Variants in KCNH1 observed in about 807,000 individuals in gnomAD.
KCNH1 encodes the protein potassium voltage-gated channel subfamily H member 1, also known as voltage-gated delayed rectifier potassium channel KCNH1.
In KCNH1, 27 loss-of-function variants were observed where a neutral mutation model predicts 69.2. The observed-to-expected ratio is 0.39, with a 90% confidence interval of 0.29 to 0.54. KCNH1 has a LOEUF of 0.54. KCNH1 is among the 20% of genes least tolerant of loss of function. The probability of loss-of-function intolerance (pLI) is 0.68; values close to 1 mark genes in which losing one functional copy is unlikely to be tolerated. For synonymous variants in KCNH1, 456 were observed against 487.7 expected (o/e 0.93, Z 0.86); for missense variants, 798 against 1,261.6 (o/e 0.63, Z 5.57).
rs922168373 is a variant in KCNH1, at chr1:210,680,012, A to G, written c.*3269T>C. 2.0e-5 allele frequency: 3 copies of G among 151,164 alleles called. No homozygotes were observed. The highest frequency in any genetic ancestry group is 4.4e-5 in the Non-Finnish European group (3 of 67,818). 9.4% of individuals were successfully genotyped at this position (151,164 alleles called of 1,614,324 possible). Reference sequence around the variant, plus strand: ...CACTAGACAATTTGGTTTCTCAACCAAATGGTCGTCTCTGTTTCCGTCCTT... The same window carrying G: ...CACTAGACAATTTGGTTTCTCAACCGAATGGTCGTCTCTGTTTCCGTCCTT... On this transcript the variant is annotated 3_prime_UTR_variant, in exon 11 of 11. Transcript: ENST00000271751.
intron 10 of KCNH1, among the ~76,000 whole-genome samples, chr1:210,702,338 T>C (rs1182006389): frequency 6.6e-6 from 1 of 152,212 alleles, no homozygotes; most frequent in Admixed American, 6.5e-5. Context: ...CTGTTTTTCT[T>C]TGAACTCCTA....
At chr1:210,819,491 C>T (rs1291724748) in intron 7 of KCNH1, among the ~76,000 whole-genome samples, 1 of 152,044 alleles carries the variant, frequency 6.6e-6, no homozygotes, top group Admixed American at 6.6e-5. Flanking sequence ...CACCTCAGAC[C>T]AGCTTCCTGC....
At chr1:210,973,861 A>G (rs1342543853) in intron 6 of KCNH1, among the ~76,000 whole-genome samples, 12 of 152,326 alleles carry the variant, frequency 7.9e-5, no homozygotes, top group African/African-American at 2.9e-4. Context: ...TGCAACAAAT[A>G]TTCCAGGCAC....
At chr1:210,715,520 A>AC (rs202217107) in intron 10 of KCNH1, among the ~76,000 whole-genome samples, 4,637 of 150,586 alleles carry the variant, frequency 0.031, 228 homozygotes, top group African/African-American at 0.1. Context: ...AATTAAACAA[A>AC]AAAAAAAAAA....
intron 9 of KCNH1, among the ~76,000 whole-genome samples, chr1:210,790,592 C>G (rs1472942485): frequency 1.3e-5 from 2 of 152,186 alleles, no homozygotes; most frequent in East Asian, 3.8e-4. Context: ...TGAGCATATC[C>G]CATGAAACAT....
At chr1:210,871,729 A>G (rs992200618) in intron 7 of KCNH1, among the ~76,000 whole-genome samples, 1 of 151,916 alleles carries the variant, frequency 6.6e-6, no homozygotes, top group African/African-American at 2.4e-5. Context: ...GCCATAAAAA[A>G]GGATGAGTTC....
At chr1:211,001,724 T>C (rs1689183446) in intron 6 of KCNH1, among the ~76,000 whole-genome samples, 3 of 152,174 alleles carry the variant, frequency 2.0e-5, no homozygotes, top group Admixed American at 6.5e-5. Flanking sequence ...CGTATGTTTA[T>C]TGCGGCGCTA....
intron 10 of KCNH1, among the ~76,000 whole-genome samples, chr1:210,769,283 C>G (rs920381762): frequency 1.3e-5 from 2 of 152,164 alleles, no homozygotes; most frequent in African/African-American, 4.8e-5. Context: ...CACTTATGAG[C>G]AGAGCTTTCT....
At chr1:210,711,308 G>A (rs1039383196) in intron 10 of KCNH1, among the ~76,000 whole-genome samples, 1 of 152,230 alleles carries the variant, frequency 6.6e-6, no homozygotes, top group African/African-American at 2.4e-5. Context: ...AAATCTTAAA[G>A]TCCTGGGGAG....
intron 5 of KCNH1, among the ~76,000 whole-genome samples, chr1:211,068,821 C>G (rs1690580798): frequency 1.3e-5 from 2 of 152,188 alleles, no homozygotes; most frequent in African/African-American, 2.4e-5. Context: ...GAACAGAAAC[C>G]TCCACAGGAA....
intron 6 of KCNH1, among the ~76,000 whole-genome samples, chr1:210,922,092 A>T (rs898539844): frequency 6.6e-6 from 1 of 152,018 alleles, no homozygotes; most frequent in Non-Finnish European, 1.5e-5. Context: ...TTAAAAAAAA[A>T]ACTGACGGGC....
chr1:211,103,884 G>A (rs966498815), intron 2 of KCNH1, among the ~76,000 whole-genome samples: 4 of 150,294 alleles, frequency 2.7e-5, no homozygotes, highest in African/African-American at 7.3e-5. Flanking sequence ...CAATGGCAGC[G>A]CACATAATGA....
At chr1:210,816,097 C>A (rs1268831739) in intron 7 of KCNH1, among the ~76,000 whole-genome samples, 1 of 152,170 alleles carries the variant, frequency 6.6e-6, no homozygotes, top group East Asian at 1.9e-4. Context: ...CCAGCACTAT[C>A]CCCTCATTTC....
intron 10 of KCNH1, among the ~76,000 whole-genome samples, chr1:210,721,800 A>AAAAT (rs71728390): frequency 0.028 from 4,163 of 151,174 alleles, 91 homozygotes; most frequent in East Asian, 0.092. Flanking sequence ...AAGTATAATA[A>AAAAT]AAATAAATAA....
At chr1:211,051,841 A>T (rs1690211744) in intron 5 of KCNH1, among the ~76,000 whole-genome samples, 1 of 152,200 alleles carries the variant, frequency 6.6e-6, no homozygotes, top group Non-Finnish European at 1.5e-5. Flanking sequence ...ATGAGGAAAG[A>T]TTAGGGAGGC....
At chr1:210,864,778 C>T (rs1686068252) in intron 7 of KCNH1, among the ~76,000 whole-genome samples, 1 of 152,210 alleles carries the variant, frequency 6.6e-6, no homozygotes, top group Admixed American at 6.5e-5. Flanking sequence ...TGGCTTGTCT[C>T]TCTTTCTTAT....
At chr1:210,932,378 T>C (rs1287343078) in intron 6 of KCNH1, among the ~76,000 whole-genome samples, 2 of 151,660 alleles carry the variant, frequency 1.3e-5, no homozygotes, top group African/African-American at 2.4e-5. Flanking sequence ...CAAATGAGAA[T>C]GAAAAAGAAA....
chr1:211,071,587 G>T (rs181916881), intron 5 of KCNH1, among the ~76,000 whole-genome samples: 3 of 152,158 alleles, frequency 2.0e-5, no homozygotes, highest in Non-Finnish European at 4.4e-5. Flanking sequence ...GTCTGTAAAT[G>T]TTGTTTGTGT....
intron 5 of KCNH1, among the ~76,000 whole-genome samples, chr1:211,049,572 T>G (rs1690155681): frequency 6.6e-6 from 1 of 152,142 alleles, no homozygotes; most frequent in African/African-American, 2.4e-5. Flanking sequence ...GGACTTGATG[T>G]GCCCTTGATG....
Sources: allele counts gnomAD v4.1 joint callset (sites outside exome capture counted in the v4.1 genomes callset), GRCh38; gene constraint gnomAD v4.1.1; transcripts MANE v1.5; gene names NCBI Gene and HGNC (gene_info 2026-07-23, HGNC 2026-07-21).